KLF4: variants seen among roughly 807,000 people sequenced by gnomAD.
KLF4 encodes Krueppel-like factor 4.
A neutral mutation model predicts 38.0 loss-of-function variants in KLF4; 14 were observed. The observed-to-expected ratio is 0.37, with a 90% CI of 0.24 to 0.58. The LOEUF (loss-of-function observed/expected upper bound fraction) is 0.58, where lower values mean the gene tolerates loss of function less well. Among genes scored for constraint, KLF4 ranks in the 20% least tolerant of loss-of-function variants. KLF4 has a pLI of 0.76. For missense variants in KLF4, 737 were observed against 670.1 expected (o/e 1.10, Z -1.10); for synonymous variants, 398 against 302.5 (o/e 1.32, Z -3.28).
In KLF4 at chr9:107,487,622, T is replaced by C. The variant is rs760342193; in HGVS notation, c.772A>G (p.Ser258Gly). 13 of 1,601,596 alleles carry C rather than the reference T, an allele frequency of 8.1e-6. No homozygotes were observed. In the Admixed American group the frequency reaches 2.2e-4, roughly 27 times the overall value. ...ISVSKGSPDG[S>G]HPVVVAPYNG... ...TAGGGCGCCACCACCACCGGGTGGC[T>C]GCCGTCAGGGCTGCCTTTGCTGACG... The change falls in exon 3 of 5, where the codon AGC (serine) becomes GGC (glycine). Residue 258 changes from serine (S) to glycine (G), a missense_variant. Around this residue, in one of 2 missense-constraint regions of KLF4, gnomAD observed 695 missense variants for 554.5 expected, o/e 1.25. Coordinates refer to ENST00000374672, the MANE Select transcript of KLF4 (RefSeq NM_004235.6). The surrounding 1 kb of genome is among the most constrained non-coding windows in gnomAD (Gnocchi z 6.1).
intron 4 of KLF4, 113 bp downstream of exon 4, chr9:107,486,915 G>T (rs1442443401): frequency 6.3e-7 from 1 of 1,581,606 alleles, no homozygotes; most frequent in Non-Finnish European, 8.6e-7. Context: ...TCCACTGGTA[G>T]CCTATGGGGC....
In KLF4 at chr9:107,485,333, A is replaced by G. The variant is rs1209837086; in HGVS notation, c.*418T>C. On this transcript the variant is annotated 3_prime_UTR_variant, in exon 5 of 5. Coordinates refer to ENST00000374672, the MANE Select transcript of KLF4 (RefSeq NM_004235.6). The surrounding 1 kb of genome is among the most constrained non-coding windows in gnomAD (Gnocchi z 4.9). The stretch of plus-strand genomic sequence containing the variant: ...TTCTTCCTCTTCTTCTAACATCATA[A>G]TAATGGCTTTTAGAAGGTAAAGAGA... 1 of 228,648 alleles carries G rather than the reference A, an allele frequency of 4.4e-6. No homozygotes were observed. The highest frequency in any genetic ancestry group is 5.7e-5 in the Admixed American group (1 of 17,592). The allele number at this position is 228,648 out of a possible 1,614,324, so 14.2% of individuals were successfully genotyped here.
At position 107,489,203 on chromosome 9, in the gene KLF4, C is replaced by T; in HGVS notation, c.-31G>A. The T allele has an allele frequency of 3.4e-6, 5 of 1,470,082 alleles. No individual in the cohort carries two copies. Among genetic ancestry groups the T allele is most frequent in the Non-Finnish European group, 4.5e-6 (5 of 1,107,804 alleles). The allele number at this position is 1,470,082 out of a possible 1,614,324, so 91.1% of individuals were successfully genotyped here. A position where few individuals can be genotyped will look rare whatever the true frequency, so the allele number is the denominator to read the frequency against. On this transcript the variant is annotated 5_prime_UTR_variant, in exon 1 of 5. Coordinates refer to ENST00000374672, the MANE Select transcript of KLF4 (RefSeq NM_004235.6). Reference sequence around the variant, plus strand: ...TGGGGGCCCAGAAGGTCCTCGGCAGCCCGAAGCAGCTGGGGCACCTGAACC... The same window carrying T: ...TGGGGGCCCAGAAGGTCCTCGGCAGTCCGAAGCAGCTGGGGCACCTGAACC...
At chr9:107,486,792 C>T (rs1829071085) in intron 4 of KLF4, among the ~76,000 whole-genome samples, 1 of 152,148 alleles carries the variant, frequency 6.6e-6, no homozygotes, top group African/African-American at 2.4e-5. Context: ...TACCATCCAT[C>T]AAGCAAAAGG....
chr9:107,485,988 A>T lies in KLF4; in HGVS notation c.1265-62T>A, dbSNP rs11790273. 6.6e-7 allele frequency: 1 copy of T among 1,515,828 alleles called. No homozygotes were observed. Among genetic ancestry groups the T allele is most frequent in the South Asian group, 1.2e-5 (1 of 82,922 alleles). The allele number at this position is 1,515,828 out of a possible 1,614,324, so 93.9% of individuals were successfully genotyped here. A position where few individuals can be genotyped will look rare whatever the true frequency, so the allele number is the denominator to read the frequency against. On this transcript the variant is annotated intron_variant, in intron 4 of 4. Transcript: ENST00000374672. This position sits in a 1 kb window ranked among gnomAD's most constrained non-coding sequence, Gnocchi z 4.9. ...GCTATATCAAAGAATCGCCCCTTTT[A>T]AAAACTGAAGGCCAGATAGTAAACC...
In KLF4 at chr9:107,488,261, G is replaced by A; in HGVS notation, c.133C>T (p.Arg45Trp). Residue 45 changes from arginine to tryptophan, a missense_variant, in exon 3 of 5, where the codon CGG becomes TGG. By Grantham distance (101) the Arg-to-Trp change is moderately radical. Coordinates refer to ENST00000374672, the MANE Select transcript of KLF4 (RefSeq NM_004235.6). The surrounding 1 kb of genome is among the most constrained non-coding windows in gnomAD (Gnocchi z 5.7). Reference sequence around the variant, plus strand: ...CGCTTCATGTGGGAGAGCTCCTCCCGCCAGCGCTGCGGGGACAGGGCGGGA... The same window carrying A: ...CGCTTCATGTGGGAGAGCTCCTCCCACCAGCGCTGCGGGGACAGGGCGGGA... ...RQAGAPNNRW[R>W]EELSHMKRLP... The A allele has an allele frequency of 6.2e-6, 10 of 1,601,452 alleles. No homozygotes were observed. The highest frequency in any genetic ancestry group is 8.5e-6 in the Non-Finnish European group (10 of 1,175,598).
intron 4 of KLF4, among the ~76,000 whole-genome samples, chr9:107,486,737 T>G (rs866949456): frequency 6.6e-6 from 1 of 152,062 alleles, no homozygotes; most frequent in South Asian, 2.1e-4. Context: ...GCGGGGAATC[T>G]CCTGCCTTTT....
Position 107,488,344 on chromosome 9 carries a change from C to G in KLF4, c.127-77G>C, listed in dbSNP as rs536832174. The G allele has an allele frequency of 1.4e-6, 2 of 1,465,324 alleles. No homozygotes were observed. Among genetic ancestry groups the G allele is most frequent in the African/African-American group, 1.4e-5 (1 of 71,110 alleles). 90.8% of individuals were successfully genotyped at this position (1,465,324 alleles called of 1,614,324 possible). A position where few individuals can be genotyped will look rare whatever the true frequency, so the allele number is the denominator to read the frequency against. ...CCGACATACTGACGTGCTGGCGGGCCACGCGCGACTGCACCGCCCAGACAT... is the reference window on the plus strand; with the variant it reads ...CCGACATACTGACGTGCTGGCGGGCGACGCGCGACTGCACCGCCCAGACAT... On this transcript the variant is annotated intron_variant, in intron 2 of 4. Transcript: ENST00000374672. The surrounding 1 kb of genome is among the most constrained non-coding windows in gnomAD (Gnocchi z 5.7).
rs146072590 is a variant in KLF4 at position 107,485,898 on chromosome 9, G to A, written c.1293C>T (p.Asp431=). 2.2e-5 allele frequency: 35 copies of A among 1,610,646 alleles called. No individual in the cohort carries two copies. In the African/African-American group the frequency reaches 3.3e-4, roughly 15 times the overall value. ...AGCGGGCGAATTTCCATCCACAGCC[G>A]TCCCAGTCACAGTGGTAAGGTTTCT... ...TGEKPYHCDW[D]GCGWKFARSD... is the part of the protein sequence containing the mutation. The change falls in exon 5 of 5, where the codon GAC becomes GAT. Residue 431 remains aspartate, a synonymous_variant. Coordinates refer to ENST00000374672, the MANE Select transcript of KLF4 (RefSeq NM_004235.6). The surrounding 1 kb of genome is among the most constrained non-coding windows in gnomAD (Gnocchi z 4.9).
At position 107,488,524 on chromosome 9, in the gene KLF4, T is replaced by C. The variant is rs1829130901; in HGVS notation, c.127-257A>G. 1.4e-5 allele frequency: 8 copies of C among 565,734 alleles called. No individual in the cohort carries two copies. Among genetic ancestry groups the C allele is most frequent in the South Asian group, 8.0e-5 (3 of 37,666 alleles). The allele number at this position is 565,734 out of a possible 1,614,324, so 35.0% of individuals were successfully genotyped here. On this transcript the variant is annotated intron_variant, in intron 2 of 4. Coordinates refer to ENST00000374672, the MANE Select transcript of KLF4 (RefSeq NM_004235.6). The surrounding 1 kb of genome is among the most constrained non-coding windows in gnomAD (Gnocchi z 5.7). ...GTGAGCGAGCGCCGCGGCTGGTCCC[T>C]CCCCCTCCAGGTCCCGTGGACGTCC...
chr9:107,487,751 G>T lies in KLF4; in HGVS notation c.643C>A (p.Pro215Thr), dbSNP rs1829101430. Reference protein sequence around the residue: ...RPELDPVYIPPQQPQPPGGGL... With the variant: ...RPELDPVYIPTQQPQPPGGGL... ...CCACCTGGCGGCTGCGGCTGCTGCG[G>T]CGGAATGTACACCGGGTCCAATTCT... Residue 215 changes from proline (P) to threonine (T), a missense_variant, in exon 3 of 5, where the codon CCG (proline) becomes ACG (threonine). Physicochemically the swap from Pro to Thr is conservative, Grantham distance 38 (BLOSUM62 -1). This residue lies in a region of KLF4 where 695 missense variants were observed against 554.5 expected (regional missense o/e 1.25). Transcript: ENST00000374672. The surrounding 1 kb of genome is among the most constrained non-coding windows in gnomAD (Gnocchi z 6.1). The T allele has an allele frequency of 1.9e-6, 3 of 1,574,006 alleles. No individual in the cohort carries two copies. Among genetic ancestry groups the T allele is most frequent in the Admixed American group, 3.7e-5 (2 of 54,470 alleles).
chr9:107,488,518 G>A lies in KLF4; in HGVS notation c.127-251C>T, dbSNP rs1220504918. 5.0e-6 allele frequency: 3 copies of A among 599,282 alleles called. No individual in the cohort carries two copies. Among genetic ancestry groups the A allele is most frequent in the African/African-American group, 1.9e-5 (1 of 52,672 alleles). The allele number at this position is 599,282 out of a possible 1,614,324, so 37.1% of individuals were successfully genotyped here. A position where few individuals can be genotyped will look rare whatever the true frequency, so the allele number is the denominator to read the frequency against. On this transcript the variant is annotated intron_variant, in intron 2 of 4. Coordinates refer to ENST00000374672, the MANE Select transcript of KLF4 (RefSeq NM_004235.6). The surrounding 1 kb of genome is among the most constrained non-coding windows in gnomAD (Gnocchi z 5.7). ...TTGCGTGTGAGCGAGCGCCGCGGCT[G>A]GTCCCTCCCCCTCCAGGTCCCGTGG...
rs901372903 is a variant in KLF4, at chr9:107,488,233, A to T, written c.161T>A (p.Leu54His). The change falls in exon 3 of 5, where the codon CTT becomes CAT. Residue 54 changes from leucine (L) to histidine (H), a missense_variant. Physicochemically the swap from Leu to His is moderately conservative, Grantham distance 99 (BLOSUM62 -3). Around this residue, in one of 2 missense-constraint regions of KLF4, gnomAD observed 695 missense variants for 554.5 expected, o/e 1.25. Coordinates refer to ENST00000374672, the MANE Select transcript of KLF4 (RefSeq NM_004235.6). The surrounding 1 kb of genome is among the most constrained non-coding windows in gnomAD (Gnocchi z 5.7). ...GGGGCGGCCGGGAAGCACTGGGGGA[A>T]GTCGCTTCATGTGGGAGAGCTCCTC... Reference protein sequence around the residue: ...WREELSHMKRLPPVLPGRPYD... With the variant: ...WREELSHMKRHPPVLPGRPYD... The T allele has an allele frequency of 2.5e-6, 4 of 1,610,270 alleles. No homozygotes were observed. Among genetic ancestry groups the T allele is most frequent in the Admixed American group, 1.7e-5 (1 of 59,828 alleles).
chr9:107,487,585 G>T lies in KLF4; in HGVS notation c.809C>A (p.Pro270Gln). 1 of 1,580,366 alleles carries T rather than the reference G, an allele frequency of 6.3e-7. No homozygotes were observed. The highest frequency in any genetic ancestry group is 8.6e-7 in the Non-Finnish European group (1 of 1,168,482). ...CTTGATCTTGGGGCACGTGCGCGGCGGCCCGCCGTTGTAGGGCGCCACCAC... is the reference window on the plus strand; with the variant it reads ...CTTGATCTTGGGGCACGTGCGCGGCTGCCCGCCGTTGTAGGGCGCCACCAC... ...PVVVAPYNGG[P>Q]PRTCPKIKQE... Residue 270 changes from proline (P) to glutamine (Q), a missense_variant, in exon 3 of 5, where the codon CCG (proline) becomes CAG (glutamine). Physicochemically the swap from Pro to Gln is moderately conservative, Grantham distance 76 (BLOSUM62 -1). This residue lies in a region of KLF4 where 695 missense variants were observed against 554.5 expected (regional missense o/e 1.25). Transcript: ENST00000374672. This position sits in a 1 kb window ranked among gnomAD's most constrained non-coding sequence, Gnocchi z 6.1.
At position 107,485,589 on chromosome 9, in the gene KLF4, C is replaced by T. The variant is rs1482347599; in HGVS notation, c.*162G>A. On this transcript the variant is annotated 3_prime_UTR_variant, in exon 5 of 5. Transcript: ENST00000374672. The surrounding 1 kb of genome is among the most constrained non-coding windows in gnomAD (Gnocchi z 4.9). ...TTTGATTTTTGTCTTTTGGATTCCT[C>T]ATTTTTCCTGATTATCCACTCACAA... is the stretch of plus-strand genomic sequence containing the variant. 3.1e-6 allele frequency: 2 copies of T among 654,816 alleles called. No individual in the cohort carries two copies. Among genetic ancestry groups the T allele is most frequent in the African/African-American group, 3.8e-5 (2 of 53,064 alleles). The allele number at this position is 654,816 out of a possible 1,614,324, so 40.6% of individuals were successfully genotyped here. A position where few individuals can be genotyped will look rare whatever the true frequency, so the allele number is the denominator to read the frequency against.
intron 4 of KLF4, among the ~76,000 whole-genome samples, chr9:107,486,156 C>G (rs1829059501): frequency 6.6e-6 from 1 of 152,062 alleles, no homozygotes; most frequent in Non-Finnish European, 1.5e-5. Context: ...CACACAACCA[C>G]CACCTACACC....
Position 107,488,435 on chromosome 9 carries a change from C to G in KLF4, c.127-168G>C. On this transcript the variant is annotated intron_variant, in intron 2 of 4. Transcript: ENST00000374672. The surrounding 1 kb of genome is among the most constrained non-coding windows in gnomAD (Gnocchi z 5.7). ...CCAGCGCTGCAATCTCGGCCCACTC[C>G]CGGGTCGAAGAAGAGGTGATGCGTC... The G allele has an allele frequency of 8.1e-7, 1 of 1,238,482 alleles. No individual in the cohort carries two copies. The highest frequency in any genetic ancestry group is 1.1e-6 in the Non-Finnish European group (1 of 921,382). 76.7% of individuals were successfully genotyped at this position (1,238,482 alleles called of 1,614,324 possible).
intron 1 of KLF4, 26 bp from the exon 2 acceptor site, chr9:107,489,076 C>CA: frequency 6.4e-7 from 1 of 1,552,286 alleles, no homozygotes; most frequent in Non-Finnish European, 8.7e-7. Context: ...GGAGCGGAGA[C>CA]AGGAGAGTCA....
rs755731755 is a variant in KLF4 at position 107,487,485 on chromosome 9, G to C, written c.909C>G (p.His303Gln). The C allele has an allele frequency of 6.5e-7, 1 of 1,541,586 alleles. No homozygotes were observed. The highest frequency in any genetic ancestry group is 8.7e-7 in the Non-Finnish European group (1 of 1,145,868). ...GGAGCTGCCGCCCCAGGGGGAAGTC[G>C]TGTGCAGCCGGCCGGTGGCCATTGC... ...PLSNGHRPAA[H>Q]DFPLGRQLPS... The change falls in exon 3 of 5, where the codon CAC (histidine) becomes CAG (glutamine). Residue 303 changes from histidine to glutamine, a missense_variant. This residue lies in a region of KLF4 where 695 missense variants were observed against 554.5 expected (regional missense o/e 1.25). Coordinates refer to ENST00000374672, the MANE Select transcript of KLF4 (RefSeq NM_004235.6). This position sits in a 1 kb window ranked among gnomAD's most constrained non-coding sequence, Gnocchi z 6.1.
Sources: gnomAD v4.1 joint callset for allele counts (sites outside exome capture counted in the v4.1 genomes callset) on GRCh38, gnomAD v4.1.1 for gene constraint, gnomAD v4.1.1 regional missense constraint, Gnocchi (gnomAD v3.1) non-coding constraint, MANE v1.5 for transcripts, NCBI Gene and HGNC (gene_info 2026-07-23, HGNC 2026-07-21) for gene names.